CAMK2G: variants seen among roughly 807,000 people sequenced by gnomAD.
CAMK2G encodes the protein calcium/calmodulin dependent protein kinase II gamma.
Under a neutral mutation model 88.7 loss-of-function variants are expected in CAMK2G, and 23 were observed. The observed-to-expected ratio is 0.26, with a 90% CI of 0.19 to 0.37. CAMK2G has a LOEUF of 0.37. Among genes scored for constraint, CAMK2G ranks in the 10% least tolerant of loss-of-function variants. The pLI, the probability that CAMK2G is intolerant of heterozygous loss-of-function variation, is 1.00. For synonymous variants in CAMK2G, 263 were observed against 294.8 expected, an observed-to-expected ratio of 0.89 and a Z score of 1.11; for missense variants, 476 against 780.8, an observed-to-expected ratio of 0.61 and a Z score of 4.65.
At chr10:73,861,137 C>T (rs2095352475) in intron 2 of CAMK2G, among the ~76,000 whole-genome samples, 1 of 152,212 alleles carries the variant, frequency 6.6e-6, no homozygotes, top group African/African-American at 2.4e-5. Context: ...AGCAATCCTC[C>T]CACCTCAGCC....
At chr10:73,819,183 C>T (rs547291081) in intron 19 of CAMK2G, among the ~76,000 whole-genome samples, 9 of 152,234 alleles carry the variant, frequency 5.9e-5, no homozygotes, top group African/African-American at 2.2e-4. Context: ...TCACGATTTC[C>T]CCATCATCCC....
chr10:73,846,931 G>A (rs183836127), intron 10 of CAMK2G: 347 of 289,706 alleles, frequency 1.2e-3, no homozygotes, highest in Non-Finnish European at 1.8e-3. Flanking sequence ...TTCTATCACC[G>A]GCTACCTGGA....
chr10:73,862,193 C>G (rs2095408241), intron 2 of CAMK2G, among the ~76,000 whole-genome samples: 1 of 151,698 alleles, frequency 6.6e-6, no homozygotes, highest in Non-Finnish European at 1.5e-5. Flanking sequence ...CCCTCCCCCA[C>G]TGTCCTTCCC....
chr10:73,815,754 AT>A (rs200528388), intron 21 of CAMK2G: 25 of 956,132 alleles, frequency 2.6e-5, no homozygotes, highest in Non-Finnish European at 2.9e-5. Flanking sequence ...TTGATTTGTA[AT>A]TTTTTTTAAG....
intron 3 of CAMK2G, among the ~76,000 whole-genome samples, chr10:73,856,635 A>C (rs1264094588): frequency 6.6e-6 from 1 of 152,248 alleles, no homozygotes; most frequent in Non-Finnish European, 1.5e-5. Context: ...GGAATAAAAT[A>C]ATCTGACACC....
intron 2 of CAMK2G, among the ~76,000 whole-genome samples, chr10:73,868,107 C>G (rs1565523861): frequency 6.6e-6 from 1 of 152,212 alleles, no homozygotes; most frequent in Non-Finnish European, 1.5e-5. Context: ...TCTGCCAAAG[C>G]TGTTCAGAGA....
chr10:73,870,063 G>A (rs954906361), intron 2 of CAMK2G, among the ~76,000 whole-genome samples: 1 of 152,196 alleles, frequency 6.6e-6, no homozygotes, highest in Non-Finnish European at 1.5e-5. Flanking sequence ...GTGAAAATCT[G>A]TATGCATATG....
chr10:73,864,597 C>T (rs1372808047), intron 2 of CAMK2G, among the ~76,000 whole-genome samples: 1 of 152,142 alleles, frequency 6.6e-6, no homozygotes, highest in Admixed American at 6.5e-5. Flanking sequence ...AGACAGTGAG[C>T]CAGGCACATT....
intron 3 of CAMK2G, among the ~76,000 whole-genome samples, chr10:73,854,199 C>A (rs2094853533): frequency 6.6e-6 from 1 of 152,166 alleles, no homozygotes; most frequent in Admixed American, 6.5e-5. Context: ...TACAAATGTC[C>A]CTAAAGCAGC....
intron 18 of CAMK2G, 27 bp from the exon 19 acceptor site, chr10:73,819,672 G>A (rs1341261320): frequency 2.1e-6 from 3 of 1,407,592 alleles, no homozygotes; most frequent in South Asian, 1.3e-5. Flanking sequence ...GGGCAGGGCA[G>A]GGCAAGGCAG....
At position 73,839,705 on chromosome 10, in the gene CAMK2G, G is replaced by T; in HGVS notation, c.947-104C>A. ...GGCGCAGCCCAGGCGGCGTGGCCAAGCCAGCCGAGCTGGGGGAGCGGAGCG... is the reference window on the plus strand; with the variant it reads ...GGCGCAGCCCAGGCGGCGTGGCCAATCCAGCCGAGCTGGGGGAGCGGAGCG... On this transcript the variant is annotated intron_variant, in intron 12 of 22. Coordinates refer to ENST00000423381, the MANE Select transcript of CAMK2G (RefSeq NM_001367534.1). This position sits in a 1 kb window ranked among gnomAD's most constrained non-coding sequence, Gnocchi z 4.2. The T allele has an allele frequency of 1.6e-6, 1 of 640,290 alleles. No individual in the cohort carries two copies. Among genetic ancestry groups the T allele is most frequent in the Non-Finnish European group, 2.2e-6 (1 of 447,950 alleles). 39.7% of individuals were successfully genotyped at this position (640,290 alleles called of 1,614,324 possible). A position where few individuals can be genotyped will look rare whatever the true frequency, so the allele number is the denominator to read the frequency against.
chr10:73,867,111 C>G (rs1183543323), intron 2 of CAMK2G, among the ~76,000 whole-genome samples: 1 of 152,192 alleles, frequency 6.6e-6, no homozygotes, highest in Admixed American at 6.5e-5. Flanking sequence ...CCCATGTGAA[C>G]CCCCAAGGCT....
At chr10:73,838,099 A>G (rs2134209643) in intron 13 of CAMK2G, among the ~76,000 whole-genome samples, 1 of 152,312 alleles carries the variant, frequency 6.6e-6, no homozygotes, top group Middle Eastern at 3.4e-3. Context: ...CCCTTTCCCC[A>G]GTGTCCACTC....
intron 5 of CAMK2G, 39 bp downstream of exon 5, chr10:73,852,215 C>A: frequency 6.4e-7 from 1 of 1,551,290 alleles, no homozygotes; most frequent in Non-Finnish European, 8.9e-7. Context: ...CAGTCCTAAA[C>A]TCCAGAGCTA....
In CAMK2G at chr10:73,849,080, A is replaced by G; in HGVS notation, c.450T>C (p.Gly150=). The G allele has an allele frequency of 5.6e-6, 9 of 1,614,054 alleles. No individual in the cohort carries two copies. The highest frequency in any genetic ancestry group is 6.8e-6 in the Non-Finnish European group (8 of 1,180,010). The part of the protein sequence containing the change: ...ENLLLASKCK[G]AAVKLADFGL... The stretch of plus-strand genomic sequence containing the variant: ...CAAAATCAGCCAGCTTGACGGCGGC[A>G]CCCTTGCATTTACTCGCCAGCAGCA... Residue 150 remains glycine (G), a synonymous_variant, in exon 7 of 23, where the codon GGT becomes GGC. Transcript: ENST00000423381.
chr10:73,826,219 G>A (rs905991941), intron 15 of CAMK2G, among the ~76,000 whole-genome samples: 2 of 152,186 alleles, frequency 1.3e-5, no homozygotes, highest in Non-Finnish European at 2.9e-5. Flanking sequence ...GATCACCTGA[G>A]GTCAGGAGTT....
At chr10:73,817,598 C>T (rs1337663144) in intron 19 of CAMK2G, 44 bp from the exon 20 acceptor site, 6 of 1,367,000 alleles carry the variant, frequency 4.4e-6, no homozygotes, top group Non-Finnish European at 5.2e-6. Context: ...TGGGGAACCT[C>T]CCAAGTTACA....
chr10:73,842,790 C>T lies in CAMK2G; in HGVS notation c.820-249G>A, dbSNP rs1488837590. ...GATGCTAGACGGGCTGCTGAGAGAC[C>T]GTCCTATTCTTCCTTGGGAAACAGA... On this transcript the variant is annotated intron_variant, in intron 10 of 22. Coordinates refer to ENST00000423381, the MANE Select transcript of CAMK2G (RefSeq NM_001367534.1). The surrounding 1 kb of genome is among the most constrained non-coding windows in gnomAD (Gnocchi z 4.6). Among the ~76,000 whole-genome samples the T allele has an allele frequency of 1.3e-5, 2 of 152,156 alleles. No individual in the cohort carries two copies. Among genetic ancestry groups the T allele is most frequent in the African/African-American group, 4.8e-5 (2 of 41,440 alleles).
chr10:73,845,624 G>T (rs1231553824), intron 10 of CAMK2G, among the ~76,000 whole-genome samples: 1 of 150,170 alleles, frequency 6.7e-6, no homozygotes, highest in African/African-American at 2.5e-5. Context: ...TCACAAACAA[G>T]CTCCTCCTCT....
Sources: gnomAD v4.1 joint callset for allele counts (sites outside exome capture counted in the v4.1 genomes callset) on GRCh38, gnomAD v4.1.1 for gene constraint, Gnocchi (gnomAD v3.1) non-coding constraint, MANE v1.5 for transcripts, NCBI Gene and HGNC (gene_info 2026-07-23, HGNC 2026-07-21) for gene names.